DHX40: variants seen among roughly 807,000 people sequenced by gnomAD.
The protein encoded by DHX40 is DEAH-box helicase 40.
In DHX40, 28 loss-of-function variants were observed where a neutral mutation model predicts 89.6. The observed-to-expected ratio is 0.31, with a 90% CI of 0.23 to 0.43. The LOEUF (loss-of-function observed/expected upper bound fraction) is 0.43. DHX40 is among the 20% of genes least tolerant of loss of function. The pLI, the probability that DHX40 is intolerant of heterozygous loss-of-function variation, is 1.00. For synonymous variants in DHX40, 226 were observed against 283.6 expected (o/e 0.80, Z 2.04); for missense variants, 457 against 844.0 (o/e 0.54, Z 5.68).
chr17:59,573,763 G>A lies in DHX40; in HGVS notation c.570G>A (p.Lys190=). The change falls in exon 5 of 18, where the codon AAG becomes AAA. Residue 190 remains lysine, a synonymous_variant. Transcript: ENST00000251241. ...AGGATATCTTATTTGGTTTATTGAA[G>A]AAGCTATTTCAGGAGAAGTCTCCTA... ...LTTDILFGLL[K]KLFQEKSPNR... 1 of 1,613,978 alleles carries A rather than the reference G, an allele frequency of 6.2e-7. No homozygotes were observed. Among genetic ancestry groups the A allele is most frequent in the Non-Finnish European group, 8.5e-7 (1 of 1,179,948 alleles).
rs547436165 is a variant in DHX40, at chr17:59,592,107, G to A, written c.1582+4054G>A. ...GTTAGTCTCAAACTCCTAGGCTCAA[G>A]CAATCCTCCTGCTTTGGTCTCCCAA... On this transcript the variant is annotated intron_variant, in intron 12 of 17. Transcript: ENST00000251241. Among the ~76,000 whole-genome samples, 405 of 151,622 alleles carry A rather than the reference G, an allele frequency of 2.7e-3. 3 individuals carry two copies. The highest frequency in any genetic ancestry group is 4.7e-3 in the Admixed American group (72 of 15,236).
chr17:59,569,292 C>T (rs1222393933), intron 2 of DHX40, among the ~76,000 whole-genome samples: 1 of 151,634 alleles, frequency 6.6e-6, no homozygotes, highest in Non-Finnish European at 1.5e-5. Flanking sequence ...TGTGCCACTG[C>T]ACTCCCGCCT....
intron 14 of DHX40, among the ~76,000 whole-genome samples, chr17:59,600,612 C>T (rs1427302181): frequency 1.3e-5 from 2 of 152,116 alleles, no homozygotes; most frequent in East Asian, 1.9e-4. Flanking sequence ...TTTGGGAGGA[C>T]GAAGTGGGAG....
At chr17:59,569,995 G>T (rs2048770169) in intron 2 of DHX40, among the ~76,000 whole-genome samples, 1 of 142,450 alleles carries the variant, frequency 7.0e-6, no homozygotes, top group East Asian at 2.0e-4. Context: ...GGTGAGCCGA[G>T]ATTGCGCCAT....
chr17:59,587,837 A>G lies in DHX40; in HGVS notation c.1425-59A>G. ...ATATCTGATTTATTCTGAATGATGA[A>G]TGTTACATTTGTACTCTCCTAGTGT... On this transcript the variant is annotated intron_variant, in intron 11 of 17. Coordinates refer to ENST00000251241, the MANE Select transcript of DHX40 (RefSeq NM_024612.5). The G allele has an allele frequency of 7.2e-6, 11 of 1,533,324 alleles. No homozygotes were observed. In the South Asian group the frequency reaches 1.3e-4, roughly 18 times the overall value. 95.0% of individuals were successfully genotyped at this position (1,533,324 alleles called of 1,614,324 possible).
intron 2 of DHX40, among the ~76,000 whole-genome samples, chr17:59,567,284 C>G (rs540193411): frequency 6.6e-6 from 1 of 152,126 alleles, no homozygotes; most frequent in African/African-American, 2.4e-5. Flanking sequence ...ACTGATCCCC[C>G]GCACTAGACC....
intron 10 of DHX40, among the ~76,000 whole-genome samples, chr17:59,581,703 G>T (rs2048948009): frequency 1.3e-5 from 1 of 78,712 alleles, no homozygotes; most frequent in Non-Finnish European, 2.2e-5. Flanking sequence ...AGGTTGCAGT[G>T]AGCCGAGATT....
At position 59,566,060 on chromosome 17, in the gene DHX40, C is replaced by T. The variant is rs148349869; in HGVS notation, c.112+277C>T. On this transcript the variant is annotated intron_variant, in intron 1 of 17. Coordinates refer to ENST00000251241, the MANE Select transcript of DHX40 (RefSeq NM_024612.5). ...TCTGTTCTTAAACAGGCTCATAGAC[C>T]CTTTGTTCTCTACCCATTCATCCCC... Among the ~76,000 whole-genome samples the T allele has an allele frequency of 5.8e-4, 88 of 152,204 alleles. 1 individual carries two copies. The East Asian group carries it at 0.015, about 26-fold the overall frequency.
At chr17:59,588,105 G>A in intron 12 of DHX40, 52 bp downstream of exon 12, 1 of 1,601,954 alleles carries the variant, frequency 6.2e-7, no homozygotes, top group Non-Finnish European at 8.5e-7. Flanking sequence ...ACTTGGCTGG[G>A]CACGGTGGCT....
chr17:59,590,647 T>G (rs1262049053), intron 12 of DHX40, among the ~76,000 whole-genome samples: 2 of 151,568 alleles, frequency 1.3e-5, no homozygotes, highest in East Asian at 3.9e-4. Flanking sequence ...TTTTTTGTAT[T>G]TTTATACAGA....
intron 17 of DHX40, among the ~76,000 whole-genome samples, chr17:59,606,395 A>C (rs1437353616): frequency 6.6e-6 from 1 of 152,224 alleles, no homozygotes; most frequent in Non-Finnish European, 1.5e-5. Flanking sequence ...ACATCACTGC[A>C]AAATGGAATG....
In DHX40 at chr17:59,565,842, G is replaced by C. The variant is rs991742563; in HGVS notation, c.112+59G>C. ...GAGTTACGGCGTGGGGGTTTTGGTG[G>C]GGGGATGAAAGTACGCCTTTGGCAG... is the stretch of plus-strand genomic sequence containing the variant. On this transcript the variant is annotated intron_variant, in intron 1 of 17. Coordinates refer to ENST00000251241, the MANE Select transcript of DHX40 (RefSeq NM_024612.5). 15 of 1,435,292 alleles carry C rather than the reference G, an allele frequency of 1.0e-5. No individual in the cohort carries two copies. In the African/African-American group the frequency reaches 2.0e-4, roughly 19 times the overall value. 88.9% of individuals were successfully genotyped at this position (1,435,292 alleles called of 1,614,324 possible). A position where few individuals can be genotyped will look rare whatever the true frequency, so the allele number is the denominator to read the frequency against.
rs560904240 is a variant in DHX40, at chr17:59,566,514, G to A, written c.113-113G>A. On this transcript the variant is annotated intron_variant, in intron 1 of 17. Transcript: ENST00000251241. ...TGAGCGATTTAACTGAGAAGTCATGGATGATCCCGTCCAGCCCTAAAATTC... is the reference window on the plus strand; with the variant it reads ...TGAGCGATTTAACTGAGAAGTCATGAATGATCCCGTCCAGCCCTAAAATTC... The A allele has an allele frequency of 1.2e-4, 126 of 1,047,472 alleles. No homozygotes were observed. In the African/African-American group the frequency reaches 1.9e-3, roughly 16 times the overall value. 64.9% of individuals were successfully genotyped at this position (1,047,472 alleles called of 1,614,324 possible).
At position 59,587,907 on chromosome 17, in the gene DHX40, T is replaced by C. The variant is rs1401983648; in HGVS notation, c.1436T>C (p.Val479Ala). The C allele has an allele frequency of 6.2e-7, 1 of 1,613,042 alleles. No individual in the cohort carries two copies. Among genetic ancestry groups the C allele is most frequent in the African/African-American group, 1.3e-5 (1 of 74,806 alleles). ...QCDAIDRSGH[V>A]TRLGLSMVEF... is the part of the protein sequence containing the mutation. ...TTCTTTGTATTAAGGAGTGGCCATG[T>C]CACCAGATTGGGTTTGTCTATGGTG... is the stretch of plus-strand genomic sequence containing the variant. The change falls in exon 12 of 18, where the codon GTC becomes GCC. Residue 479 changes from valine (V) to alanine (A), a missense_variant. By Grantham distance (64) the Val-to-Ala change is moderately conservative (BLOSUM62 0). Coordinates refer to ENST00000251241, the MANE Select transcript of DHX40 (RefSeq NM_024612.5).
chr17:59,594,227 T>C (rs2049120432), intron 12 of DHX40, among the ~76,000 whole-genome samples: 1 of 151,786 alleles, frequency 6.6e-6, no homozygotes, highest in Non-Finnish European at 1.5e-5. Context: ...TCTCTATTGG[T>C]GTCACAGCAA....
intron 10 of DHX40, 116 bp from the exon 11 acceptor site, chr17:59,586,037 G>C: frequency 1.3e-6 from 1 of 756,972 alleles, no homozygotes; most frequent in Non-Finnish European, 2.2e-6. Context: ...TTTAGAAAAA[G>C]AAGATGACTT....
rs2030965877 is a variant in DHX40, at chr17:59,608,055, G to C, written c.*883G>C. 6.5e-6 allele frequency: 1 copy of C among 154,714 alleles called. No individual in the cohort carries two copies. The highest frequency in any genetic ancestry group is 1.9e-4 in the East Asian group (1 of 5,194). The allele number at this position is 154,714 out of a possible 1,614,324, so 9.6% of individuals were successfully genotyped here. A position where few individuals can be genotyped will look rare whatever the true frequency, so the allele number is the denominator to read the frequency against. On this transcript the variant is annotated 3_prime_UTR_variant, in exon 18 of 18. Coordinates refer to ENST00000251241, the MANE Select transcript of DHX40 (RefSeq NM_024612.5). ...ATTTAACTTCCATTATGCCAAACTT[G>C]GGATGGGATTTTCGAAGCAGACAAC...
At chr17:59,598,416 A>G (rs2030251036) in intron 12 of DHX40, among the ~76,000 whole-genome samples, 1 of 151,948 alleles carries the variant, frequency 6.6e-6, no homozygotes. Context: ...CTTTTATACC[A>G]TTACATTTTT....
intron 8 of DHX40, among the ~76,000 whole-genome samples, chr17:59,577,916 C>T (rs151145507): frequency 2.6e-5 from 4 of 152,284 alleles, no homozygotes; most frequent in Non-Finnish European, 5.9e-5. Flanking sequence ...TACCTTGCAG[C>T]CTCACTCGGT....
Sources: gnomAD v4.1 joint callset for allele counts (sites outside exome capture counted in the v4.1 genomes callset) on GRCh38, gnomAD v4.1.1 for gene constraint, MANE v1.5 for transcripts, NCBI Gene and HGNC (gene_info 2026-07-23, HGNC 2026-07-21) for gene names.